FOCAD: variants seen among roughly 807,000 people sequenced by gnomAD.
The protein encoded by FOCAD is focadhesin.
A neutral mutation model predicts 225.6 loss-of-function variants in FOCAD; 198 were observed. The observed-to-expected ratio is 0.88, with a 90% confidence interval of 0.78 to 0.99. The LOEUF (loss-of-function observed/expected upper bound fraction) is 0.99, where lower values mean the gene tolerates loss of function less well. FOCAD is among the 50% of genes least tolerant of loss of function. The pLI is 0.00. For synonymous variants in FOCAD, 897 were observed against 755.0 expected (o/e 1.19, Z -3.08); for missense variants, 2,713 against 2,123.6 (o/e 1.28, Z -5.46).
In FOCAD at chr9:20,795,612, G is replaced by T. The variant is rs999769831; in HGVS notation, c.1455+6004G>T. On this transcript the variant is annotated intron_variant, in intron 11 of 43. Coordinates refer to ENST00000338382, the MANE Select transcript of FOCAD (RefSeq NM_001375567.1). ...CATCCTGGCTACACGGTGAAACCCC[G>T]TCTCTACTAAAAATACAAAAACTTA... Among the ~76,000 whole-genome samples, 3 of 151,786 alleles carry T rather than the reference G, an allele frequency of 2.0e-5. No individual in the cohort carries two copies. In the East Asian group the frequency reaches 5.9e-4, roughly 30 times the overall value.
At chr9:20,705,962 G>T (rs1405449827) in intron 1 of FOCAD, among the ~76,000 whole-genome samples, 2 of 128,982 alleles carry the variant, frequency 1.6e-5, no homozygotes, top group Non-Finnish European at 3.1e-5. Flanking sequence ...TTAAACAGTG[G>T]CTGGTTCTGT....
chr9:20,976,174 A>C (rs1431059559), intron 35 of FOCAD: 1 of 203,710 alleles, frequency 4.9e-6, no homozygotes, highest in African/African-American at 2.3e-5. Context: ...ATACCCCATA[A>C]ATATATACAG....
chr9:20,924,835 C>G (rs776231743), intron 25 of FOCAD, among the ~76,000 whole-genome samples: 3 of 152,190 alleles, frequency 2.0e-5, no homozygotes, highest in South Asian at 2.1e-4. Flanking sequence ...AATGAAACAT[C>G]TAAGCAGACC....
intron 15 of FOCAD, among the ~76,000 whole-genome samples, chr9:20,848,184 T>A (rs1488501844): frequency 6.9e-6 from 1 of 144,188 alleles, no homozygotes; most frequent in Non-Finnish European, 1.5e-5. Context: ...GTCTGTATGC[T>A]TAGCTTCAAG....
intron 39 of FOCAD, among the ~76,000 whole-genome samples, chr9:20,985,405 C>T (rs1008124484): frequency 1.3e-5 from 2 of 152,144 alleles, no homozygotes; most frequent in African/African-American, 4.8e-5. Flanking sequence ...AACAAATTTT[C>T]CAAAAATCTA....
intron 15 of FOCAD, among the ~76,000 whole-genome samples, chr9:20,832,963 A>G (rs1564048424): frequency 6.6e-6 from 1 of 152,106 alleles, no homozygotes; most frequent in African/African-American, 2.4e-5. Flanking sequence ...GTAGTGACTA[A>G]TAAACGTGGG....
At chr9:20,698,881 A>G (rs1288979685) in intron 1 of FOCAD, among the ~76,000 whole-genome samples, 1 of 152,204 alleles carries the variant, frequency 6.6e-6, no homozygotes, top group African/African-American at 2.4e-5. Flanking sequence ...AAACCTTTTT[A>G]ATTCTTAACT....
intron 26 of FOCAD, among the ~76,000 whole-genome samples, chr9:20,927,378 A>G (rs1405993999): frequency 6.6e-6 from 1 of 152,112 alleles, no homozygotes; most frequent in East Asian, 1.9e-4. Context: ...TTACTTCATC[A>G]TTCTTATTTT....
intron 24 of FOCAD, among the ~76,000 whole-genome samples, chr9:20,917,828 G>T (rs1834001965): frequency 6.6e-6 from 1 of 152,264 alleles, no homozygotes; most frequent in Non-Finnish European, 1.5e-5. Flanking sequence ...CTTAGAGTTA[G>T]CTTTCTATCA....
intron 15 of FOCAD, among the ~76,000 whole-genome samples, chr9:20,831,573 A>G (rs897493730): frequency 6.6e-6 from 1 of 152,098 alleles, no homozygotes; most frequent in African/African-American, 2.4e-5. Context: ...GAGAGATAGA[A>G]GACACATCAA....
At chr9:20,845,123 T>G (rs1434432424) in intron 15 of FOCAD, among the ~76,000 whole-genome samples, 2 of 152,056 alleles carry the variant, frequency 1.3e-5, no homozygotes, top group Non-Finnish European at 2.9e-5. Context: ...AATGTCTAAT[T>G]TCACAATCCC....
At chr9:20,970,879 T>G (rs1839704684) in intron 35 of FOCAD, among the ~76,000 whole-genome samples, 1 of 152,220 alleles carries the variant, frequency 6.6e-6, no homozygotes, top group Non-Finnish European at 1.5e-5. Flanking sequence ...TTTATGACAT[T>G]AAGCATTAAT....
chr9:20,731,240 AAACAACAACAACAACAACAACAAC>A (rs146322610), intron 4 of FOCAD, among the ~76,000 whole-genome samples: 1 of 150,410 alleles, frequency 6.6e-6, no homozygotes, highest in South Asian at 2.1e-4. Context: ...TTTGTCTCCA[AAACAACAACAACAACAACAACAAC>A]AACAACAACA....
rs558610294 is a variant in FOCAD, at chr9:20,783,051, T to C, written c.1197+1122T>C. 4.6e-5 allele frequency among the ~76,000 whole-genome samples: 7 copies of C among 152,298 alleles called. No individual in the cohort carries two copies. The South Asian group carries it at 1.2e-3, about 27-fold the overall frequency. Reference sequence around the variant, plus strand: ...TACTTTACCTCTTGGTTTGCCCATGTAGAACAATGATTGGATCTTGAATGG... The same window carrying C: ...TACTTTACCTCTTGGTTTGCCCATGCAGAACAATGATTGGATCTTGAATGG... On this transcript the variant is annotated intron_variant, in intron 10 of 43. Transcript: ENST00000338382.
chr9:20,876,313 A>G (rs901982849), intron 19 of FOCAD, among the ~76,000 whole-genome samples: 1 of 152,180 alleles, frequency 6.6e-6, no homozygotes, highest in African/African-American at 2.4e-5. Context: ...CAGTTATCCA[A>G]AGTTCTTTCT....
rs1306618098 is a variant in FOCAD at position 20,815,251 on chromosome 9, A to G, written c.1456-4545A>G. 6.1e-5 allele frequency among the ~76,000 whole-genome samples: 9 copies of G among 147,192 alleles called. No individual in the cohort carries two copies. In the Admixed American group the frequency reaches 6.2e-4, roughly 10 times the overall value. On this transcript the variant is annotated intron_variant, in intron 11 of 43. Coordinates refer to ENST00000338382, the MANE Select transcript of FOCAD (RefSeq NM_001375567.1). ...CTGGTTCAAGCAATTCTCATGCCTC[A>G]GCCTCCTAAGTAGCTGAGATTACAG... is the stretch of plus-strand genomic sequence containing the variant.
At chr9:20,769,062 C>G (rs1817902592) in intron 7 of FOCAD, among the ~76,000 whole-genome samples, 1 of 152,114 alleles carries the variant, frequency 6.6e-6, no homozygotes, top group Non-Finnish European at 1.5e-5. Context: ...AAATCCGTCT[C>G]TTCTCTGTGG....
chr9:20,929,400 T>C lies in FOCAD; in HGVS notation c.3121T>C (p.Ser1041Pro). The C allele has an allele frequency of 8.1e-6, 13 of 1,614,144 alleles. No homozygotes were observed. The highest frequency in any genetic ancestry group is 1.0e-5 in the Non-Finnish European group (12 of 1,180,012). Residue 1041 changes from serine (S) to proline (P), a missense_variant, in exon 27 of 44, where the codon TCT (serine) becomes CCT (proline). By Grantham distance (74) the Ser-to-Pro change is moderately conservative. Coordinates refer to ENST00000338382, the MANE Select transcript of FOCAD (RefSeq NM_001375567.1). ...AAACACAGCTAGTGCCATTGCCCGT[T>C]CTGCTGCCGCCACGGCTTTGTCTCT... Reference protein sequence around the residue: ...GENTASAIARSAAATALSLLV... With the variant: ...GENTASAIARPAAATALSLLV...
intron 26 of FOCAD, among the ~76,000 whole-genome samples, chr9:20,927,136 T>G (rs796627921): frequency 2.0e-5 from 3 of 152,226 alleles, no homozygotes; most frequent in Admixed American, 6.5e-5. Flanking sequence ...TATTCTAATG[T>G]GTAGTCAGGG....
Sources: gnomAD v4.1 joint callset for allele counts (sites outside exome capture counted in the v4.1 genomes callset) on GRCh38, gnomAD v4.1.1 for gene constraint, MANE v1.5 for transcripts, NCBI Gene and HGNC (gene_info 2026-07-23, HGNC 2026-07-21) for gene names.